The following OR56A3 variants were observed in gnomAD, a reference collection of about 807,000 sequenced individuals.
OR56A3 encodes olfactory receptor family 56 subfamily A member 3, also known as olfactory receptor 56A3.
Under a neutral mutation model 17.5 loss-of-function variants are expected in OR56A3, and 23 were observed. The observed-to-expected ratio is 1.32, with a 90% CI of 0.95 to 1.87. The LOEUF is 1.87. Ranked by LOEUF, OR56A3 falls within the 40% of genes most tolerant of loss-of-function variation. The pLI is 0.00. For missense variants in OR56A3, 366 were observed against 380.1 expected (o/e 0.96, Z 0.31); for synonymous variants, 175 against 150.6 (o/e 1.16, Z -1.19).
chr11:5,952,870 G>A (rs1392134094), downstream of OR56A3, among the ~76,000 whole-genome samples: 1 of 152,086 alleles, frequency 6.6e-6, no homozygotes, highest in Non-Finnish European at 1.5e-5. Flanking sequence ...AGTATCCAAT[G>A]TTTAGCCTCC....
At chr11:6,016,826 A>AG in the OR56A3 span, among the ~76,000 whole-genome samples, 3 of 151,612 alleles carry the variant, frequency 2.0e-5, no homozygotes, top group East Asian at 1.9e-4. Flanking sequence ...TCATTAAAAA[A>AG]AAAAGAAAAG....
chr11:5,983,940 G>C, the OR56A3 span, among the ~76,000 whole-genome samples: 1 of 152,214 alleles, frequency 6.6e-6, no homozygotes, highest in Admixed American at 6.5e-5. Flanking sequence ...TTTTTAGAGA[G>C]AAACCTGGAA....
At chr11:6,005,839 G>A in the OR56A3 span, among the ~76,000 whole-genome samples, 4 of 152,120 alleles carry the variant, frequency 2.6e-5, no homozygotes, top group Admixed American at 1.3e-4. Flanking sequence ...ATCTCACAAA[G>A]TTTCCACTTT....
At chr11:5,969,119 T>G in the OR56A3 span, among the ~76,000 whole-genome samples, 2 of 152,338 alleles carry the variant, frequency 1.3e-5, no homozygotes, top group South Asian at 2.1e-4. Context: ...CATATGGTAC[T>G]GTGTCACAAC....
chr11:5,949,537 G>T lies in OR56A3; in HGVS notation c.*1243G>T, dbSNP rs1000148854. On this transcript the variant is annotated 3_prime_UTR_variant, in exon 3 of 3. Transcript: ENST00000641160. ...CATCCAATACCTGATAATAGTGAGCGATTTGTTTTAGAATATTCTTCTAAA... is the reference window on the plus strand; with the variant it reads ...CATCCAATACCTGATAATAGTGAGCTATTTGTTTTAGAATATTCTTCTAAA... 4.6e-5 allele frequency: 7 copies of T among 152,146 alleles called. No homozygotes were observed. The highest frequency in any genetic ancestry group is 1.7e-4 in the African/African-American group (7 of 41,440). The allele number at this position is 152,146 out of a possible 1,614,324, so 9.4% of individuals were successfully genotyped here. A position where few individuals can be genotyped will look rare whatever the true frequency, so the allele number is the denominator to read the frequency against.
At chr11:5,973,797 C>T in the OR56A3 span, among the ~76,000 whole-genome samples, 58 of 152,250 alleles carry the variant, frequency 3.8e-4, no homozygotes, top group South Asian at 0.012. Context: ...TTCCTGGCTT[C>T]CAGTTCAGAT....
At chr11:5,958,515 A>G in the OR56A3 span, among the ~76,000 whole-genome samples, 1 of 152,172 alleles carries the variant, frequency 6.6e-6, no homozygotes, top group Non-Finnish European at 1.5e-5. Flanking sequence ...TAAAATGGAC[A>G]GTGTATGTAT....
intron 2 of OR56A3, 26 bp from the exon 3 acceptor site, chr11:5,947,285 G>C: frequency 7.1e-7 from 1 of 1,405,750 alleles, no homozygotes. Context: ...AGAATCCACA[G>C]CTAGTTTGTA....
chr11:5,978,338 G>T, the OR56A3 span, among the ~76,000 whole-genome samples: 1 of 152,110 alleles, frequency 6.6e-6, no homozygotes, highest in South Asian at 2.1e-4. Flanking sequence ...TTCTATCCAT[G>T]AGCATGGAAT....
chr11:5,982,914 C>T, the OR56A3 span, among the ~76,000 whole-genome samples: 2 of 152,176 alleles, frequency 1.3e-5, no homozygotes, highest in Non-Finnish European at 2.9e-5. Context: ...TCAGCAACCC[C>T]ATGCAGGATT....
the OR56A3 span, among the ~76,000 whole-genome samples, chr11:5,960,949 A>G: frequency 0.62 from 93,616 of 149,968 alleles, 29,503 homozygotes; most frequent in African/African-American, 0.73. Flanking sequence ...TCTCTGCCTC[A>G]CCGCCACCCT....
chr11:5,960,290 T>C, the OR56A3 span, among the ~76,000 whole-genome samples: 38,567 of 148,782 alleles, frequency 0.26, 4,974 homozygotes, highest in Non-Finnish European at 0.27. Context: ...CCCCTTTGCA[T>C]GGTCTCCCTC....
chr11:6,016,330 CT>C, the OR56A3 span, among the ~76,000 whole-genome samples: 2 of 152,074 alleles, frequency 1.3e-5, no homozygotes, highest in African/African-American at 4.8e-5. Flanking sequence ...AATTAAATGT[CT>C]TTTTTAAATA....
At chr11:5,997,411 TAATGCAC>T in the OR56A3 span, among the ~76,000 whole-genome samples, 1 of 152,204 alleles carries the variant, frequency 6.6e-6, no homozygotes, top group Non-Finnish European at 1.5e-5. Context: ...TGTGACTGTT[TAATGCAC>T]CATCAGACCT....
the OR56A3 span, chr11:6,019,538 T>G: frequency 6.6e-6 from 1 of 152,218 alleles, no homozygotes; most frequent in African/African-American, 2.4e-5. Flanking sequence ...AGGAGCAACT[T>G]ACATCTTGCA....
At chr11:5,990,026 A>T in the OR56A3 span, among the ~76,000 whole-genome samples, 1 of 152,208 alleles carries the variant, frequency 6.6e-6, no homozygotes, top group Non-Finnish European at 1.5e-5. Context: ...AGGTAGTATG[A>T]CATGTCTCCT....
At chr11:5,995,262 T>C in the OR56A3 span, among the ~76,000 whole-genome samples, 1 of 152,236 alleles carries the variant, frequency 6.6e-6, no homozygotes, top group African/African-American at 2.4e-5. Flanking sequence ...TTTTGTATTA[T>C]TCATTCTTTT....
chr11:6,015,472 G>T, the OR56A3 span, among the ~76,000 whole-genome samples: 2 of 152,176 alleles, frequency 1.3e-5, no homozygotes, highest in Admixed American at 6.5e-5. Flanking sequence ...TAAGAACAGG[G>T]CCACCATCCT....
chr11:6,005,069 ATGACAATTC>A, the OR56A3 span, among the ~76,000 whole-genome samples: 4 of 152,178 alleles, frequency 2.6e-5, no homozygotes, highest in Non-Finnish European at 5.9e-5. Context: ...GCAGAAACAA[ATGACAATTC>A]TGGCTCTTAT....
Sources: allele counts gnomAD v4.1 joint callset (sites outside exome capture counted in the v4.1 genomes callset), GRCh38; gene constraint gnomAD v4.1.1; transcripts MANE v1.5; gene names NCBI Gene and HGNC (gene_info 2026-07-23, HGNC 2026-07-21).